Variants in YEATS2 observed in about 807,000 individuals in gnomAD.
YEATS2 encodes YEATS domain containing 2.
A neutral mutation model predicts 163.2 loss-of-function variants in YEATS2; 77 were observed. The observed-to-expected ratio is 0.47, with a 90% CI of 0.39 to 0.57. YEATS2 has a LOEUF of 0.57. Among genes scored for constraint, YEATS2 ranks in the 20% least tolerant of loss-of-function variants. The pLI is 0.00. For missense variants in YEATS2, 1,549 were observed against 1,729.8 expected (o/e 0.90, Z 1.85); for synonymous variants, 631 against 645.1 (o/e 0.98, Z 0.33).
intron 19 of YEATS2, among the ~76,000 whole-genome samples, chr3:183,782,480 A>G (rs975327318): frequency 2.7e-5 from 4 of 149,212 alleles, no homozygotes; most frequent in East Asian, 2.0e-4. Context: ...CTGGAGTACA[A>G]TGGCGTGATC....
intron 8 of YEATS2, among the ~76,000 whole-genome samples, chr3:183,743,198 C>T (rs554596949): frequency 1.1e-4 from 16 of 152,034 alleles, no homozygotes; most frequent in Non-Finnish European, 1.3e-4. Context: ...AAGTCAACCA[C>T]GATCTTTGAA....
intron 1 of YEATS2, among the ~76,000 whole-genome samples, chr3:183,706,288 C>G (rs1403307857): frequency 6.6e-6 from 1 of 152,070 alleles, no homozygotes; most frequent in East Asian, 1.9e-4. Context: ...GAAAACCAAC[C>G]TGTCTGGATC....
rs1726351516 is a variant in YEATS2, at chr3:183,807,619, A to G, written c.4012-411A>G. ...GCTCTTCAGCATCTGCCAGTTGCTC[A>G]GGGCCCAAGGTGAAAGACAGTGTGC... On this transcript the variant is annotated intron_variant, in intron 28 of 30. Coordinates refer to ENST00000305135, the MANE Select transcript of YEATS2 (RefSeq NM_018023.5). 20 of 211,980 alleles carry G rather than the reference A, an allele frequency of 9.4e-5. No homozygotes were observed. In the South Asian group the frequency reaches 1.5e-3, roughly 15 times the overall value. The allele number at this position is 211,980 out of a possible 1,614,324, so 13.1% of individuals were successfully genotyped here. A position where few individuals can be genotyped will look rare whatever the true frequency, so the allele number is the denominator to read the frequency against.
At position 183,773,626 on chromosome 3, in the gene YEATS2, A is replaced by G. The variant is rs1577161433; in HGVS notation, c.2207-7A>G. 1 of 1,594,244 alleles carries G rather than the reference A, an allele frequency of 6.3e-7. No individual in the cohort carries two copies. The highest frequency in any genetic ancestry group is 8.5e-7 in the Non-Finnish European group (1 of 1,173,456). ...ATCTTACAATTTTTTCTCCTTTACC[A>G]TTTTAGTAATGGCAACGTTGCAGCT... On this transcript the variant is annotated splice_region_variant and splice_polypyrimidine_tract_variant and intron_variant, in intron 16 of 30. Transcript: ENST00000305135.
chr3:183,732,176 C>T (rs1577074968), intron 7 of YEATS2, among the ~76,000 whole-genome samples: 1 of 149,880 alleles, frequency 6.7e-6, no homozygotes, highest in East Asian at 2.0e-4. Flanking sequence ...GTCGGCTGGG[C>T]ACCGTGGCTC....
At chr3:183,797,556 A>G (rs1560328564) in intron 21 of YEATS2, among the ~76,000 whole-genome samples, 2 of 150,322 alleles carry the variant, frequency 1.3e-5, no homozygotes, top group African/African-American at 4.9e-5. Context: ...ATAAATAAAT[A>G]AATAAATAAA....
chr3:183,742,226 TAAAAA>T (rs547731750), intron 8 of YEATS2, among the ~76,000 whole-genome samples: 18 of 150,660 alleles, frequency 1.2e-4, no homozygotes, highest in Non-Finnish European at 2.1e-4. Context: ...AAATAAAAAA[TAAAAA>T]AAAGGAAAAA....
At chr3:183,719,796 C>T (rs141886079) in intron 4 of YEATS2, among the ~76,000 whole-genome samples, 1 of 152,148 alleles carries the variant, frequency 6.6e-6, no homozygotes, top group Non-Finnish European at 1.5e-5. Flanking sequence ...CACATAGCCT[C>T]CAACTCCTGG....
intron 15 of YEATS2, among the ~76,000 whole-genome samples, chr3:183,763,488 G>A (rs1450785118): frequency 6.6e-6 from 1 of 152,178 alleles, no homozygotes; most frequent in African/African-American, 2.4e-5. Flanking sequence ...TTTTGTGTAT[G>A]CCATGCTTGT....
At chr3:183,712,199 T>TTATGTTATGTTATG (rs1560220669) in intron 1 of YEATS2, among the ~76,000 whole-genome samples, 4 of 93,926 alleles carry the variant, frequency 4.3e-5, no homozygotes, top group African/African-American at 2.5e-4. Flanking sequence ...TTTATTTTAT[T>TTATGTTATGTTATG]TTATTTTATT....
At position 183,785,358 on chromosome 3, in the gene YEATS2, C is replaced by T. The variant is rs1204906396; in HGVS notation, c.2737-767C>T. ...CAAAAATTAGTTGGGCGTGGTGGCA[C>T]GTGCCTGTAAGTCCTAGCTACTCGG... On this transcript the variant is annotated intron_variant, in intron 19 of 30. Transcript: ENST00000305135. Among the ~76,000 whole-genome samples the T allele has an allele frequency of 2.7e-5, 4 of 150,572 alleles. No homozygotes were observed. In the South Asian group the frequency reaches 6.3e-4, roughly 24 times the overall value.
intron 15 of YEATS2, among the ~76,000 whole-genome samples, chr3:183,766,492 A>G (rs530533509): frequency 6.6e-6 from 1 of 152,366 alleles, no homozygotes; most frequent in East Asian, 1.9e-4. Flanking sequence ...TGTAGGAAAC[A>G]GGGAGGGCAG....
chr3:183,790,256 G>A (rs544130898), intron 20 of YEATS2, among the ~76,000 whole-genome samples: 71 of 152,298 alleles, frequency 4.7e-4, no homozygotes, highest in Non-Finnish European at 2.9e-5. Context: ...CTTCTTGGTT[G>A]TGTTGGTGAC....
At chr3:183,762,551 T>A (rs533348851) in intron 15 of YEATS2, among the ~76,000 whole-genome samples, 1 of 152,356 alleles carries the variant, frequency 6.6e-6, no homozygotes, top group South Asian at 2.1e-4. Context: ...GAGGCAGAGC[T>A]GACTCATGGG....
chr3:183,793,378 A>G, intron 21 of YEATS2: 1 of 1,087,702 alleles, frequency 9.2e-7, no homozygotes, highest in Non-Finnish European at 1.1e-6. Flanking sequence ...GTTAAAATTG[A>G]CCAACTTCTA....
At chr3:183,780,996 T>G (rs1723508252) in intron 19 of YEATS2, among the ~76,000 whole-genome samples, 1 of 152,160 alleles carries the variant, frequency 6.6e-6, no homozygotes, top group Non-Finnish European at 1.5e-5. Flanking sequence ...AACTTGACAA[T>G]TAAAATACTC....
intron 1 of YEATS2, among the ~76,000 whole-genome samples, chr3:183,701,436 G>T (rs1232894068): frequency 1.3e-5 from 2 of 152,002 alleles, no homozygotes; most frequent in African/African-American, 4.8e-5. Context: ...GCCCAGGCTG[G>T]AGTGCAGTGA....
chr3:183,698,141 C>A (rs1380720579), intron 1 of YEATS2, 148 bp downstream of exon 1: 1 of 151,798 alleles, frequency 6.6e-6, no homozygotes, highest in Non-Finnish European at 1.5e-5. Context: ...GCCCCGGGGC[C>A]GAGGGGAGGG....
intron 8 of YEATS2, among the ~76,000 whole-genome samples, chr3:183,746,885 C>T (rs1328035317): frequency 6.6e-6 from 1 of 152,006 alleles, no homozygotes; most frequent in Non-Finnish European, 1.5e-5. Flanking sequence ...TACTAACCTA[C>T]CCTGGCTTCA....
Sources: allele counts gnomAD v4.1 joint callset (sites outside exome capture counted in the v4.1 genomes callset), GRCh38; gene constraint gnomAD v4.1.1; transcripts MANE v1.5; gene names NCBI Gene and HGNC (gene_info 2026-07-23, HGNC 2026-07-21).